ASIC5: variants seen among roughly 807,000 people sequenced by gnomAD.
ASIC5 encodes acid sensing ion channel subunit family member 5.
ASIC5 carries 52 observed loss-of-function variants against 51.2 expected under a neutral mutation model. That is an observed-to-expected ratio of 1.02 (90% CI 0.81 to 1.28). The LOEUF is 1.28. Ranked by LOEUF, ASIC5 falls within the 50% of genes most tolerant of loss-of-function variation. The pLI, the probability that ASIC5 is intolerant of heterozygous loss-of-function variation, is 0.00. For synonymous variants in ASIC5, 231 were observed against 200.7 expected (o/e 1.15, Z -1.28); for missense variants, 635 against 595.0 (o/e 1.07, Z -0.70).
chr4:155,853,959 C>A (rs1741454599), intron 3 of ASIC5, 118 bp downstream of exon 3: 2 of 758,394 alleles, frequency 2.6e-6, no homozygotes, highest in Admixed American at 2.4e-5. Context: ...GAAATAGAAT[C>A]TGTAAGCAAA....
chr4:155,863,936 TG>T (rs1741791442), intron 1 of ASIC5, among the ~76,000 whole-genome samples, 182 bp from the exon 2 acceptor site: 1 of 152,194 alleles, frequency 6.6e-6, no homozygotes, highest in African/African-American at 2.4e-5. Context: ...GTGTAAGTGT[TG>T]GCTACATGGG....
At chr4:155,857,088 C>A (rs1031112905) in intron 2 of ASIC5, among the ~76,000 whole-genome samples, 1 of 151,892 alleles carries the variant, frequency 6.6e-6, no homozygotes, top group African/African-American at 2.4e-5. Context: ...TATTGTTTTG[C>A]ATAAAACAAA....
chr4:155,856,526 G>C (rs1349021136), intron 2 of ASIC5, among the ~76,000 whole-genome samples: 2 of 152,066 alleles, frequency 1.3e-5, no homozygotes, highest in African/African-American at 2.4e-5. Flanking sequence ...CTAAAACTCT[G>C]TAAATATCCT....
chr4:155,862,381 T>C (rs1029373161), intron 2 of ASIC5, among the ~76,000 whole-genome samples: 9 of 152,118 alleles, frequency 5.9e-5, no homozygotes, highest in African/African-American at 2.2e-4. Context: ...TTATCTAATG[T>C]AACAACAAAT....
chr4:155,858,172 A>G (rs1317986284), intron 2 of ASIC5, among the ~76,000 whole-genome samples: 2 of 152,236 alleles, frequency 1.3e-5, no homozygotes, highest in East Asian at 3.9e-4. Flanking sequence ...AAGACATTTG[A>G]AAAGCACTAG....
chr4:155,838,827 A>T lies in ASIC5; in HGVS notation c.1052T>A (p.Val351Asp), dbSNP rs1250570463. 3 of 1,586,562 alleles carry T rather than the reference A, an allele frequency of 1.9e-6. No individual in the cohort carries two copies. Among genetic ancestry groups the T allele is most frequent in the Non-Finnish European group, 2.6e-6 (3 of 1,156,700 alleles). Residue 351 changes from valine to aspartate, a missense_variant, in exon 7 of 10, where the codon GTT becomes GAT. Physicochemically the swap from Val to Asp is radical, Grantham distance 152. Coordinates refer to ENST00000537611, the MANE Select transcript of ASIC5 (RefSeq NM_017419.3). ...ECDLQKYFSC[V>D]SPVLDHIEFK... ...TAAGCACTTACCAAGTACAGGAGAA[A>T]CACAGCTGAAGTACTTTTGTAGGTC...
chr4:155,829,912 A>G lies in ASIC5; in HGVS notation c.1462T>C (p.Trp488Arg). ...AGATGATTCTGAGGTGGAGGAGTCC[A>G]CTGGGTCATTTCAGATATCTTCAGC... is the stretch of plus-strand genomic sequence containing the variant. Reference protein sequence around the residue: ...FLLKISEMTQWTPPPQNHLGN... With the variant: ...FLLKISEMTQRTPPPQNHLGN... The change falls in exon 10 of 10, where the codon TGG becomes CGG. Residue 488 changes from tryptophan (W) to arginine (R), a missense_variant. By Grantham distance (101) the Trp-to-Arg change is moderately radical. Coordinates refer to ENST00000537611, the MANE Select transcript of ASIC5 (RefSeq NM_017419.3). 6.2e-7 allele frequency: 1 copy of G among 1,607,254 alleles called. No individual in the cohort carries two copies. Among genetic ancestry groups the G allele is most frequent in the Non-Finnish European group, 8.5e-7 (1 of 1,177,530 alleles).
intron 4 of ASIC5, among the ~76,000 whole-genome samples, chr4:155,851,790 T>C (rs1391775394): frequency 6.6e-6 from 1 of 152,152 alleles, no homozygotes; most frequent in East Asian, 1.9e-4. Flanking sequence ...ATGCATTCTA[T>C]AGTTTGTCAA....
At chr4:155,851,499 A>T (rs1216594199) in intron 4 of ASIC5, among the ~76,000 whole-genome samples, 1 of 152,018 alleles carries the variant, frequency 6.6e-6, no homozygotes, top group Non-Finnish European at 1.5e-5. Flanking sequence ...ATCCTCTTTT[A>T]TAAAACCATA....
chr4:155,834,262 T>G (rs1274944727), intron 8 of ASIC5, among the ~76,000 whole-genome samples: 5 of 152,142 alleles, frequency 3.3e-5, no homozygotes, highest in African/African-American at 1.2e-4. Context: ...GAAGTAGCAT[T>G]TATTTCTGTC....
intron 5 of ASIC5, 60 bp from the exon 6 acceptor site, chr4:155,842,414 C>T: frequency 7.0e-7 from 1 of 1,431,454 alleles, no homozygotes; most frequent in Non-Finnish European, 9.5e-7. Context: ...ACTTATTTTC[C>T]ATCAAGAAGC....
chr4:155,837,718 A>T (rs1456885013), intron 7 of ASIC5, among the ~76,000 whole-genome samples: 1 of 152,004 alleles, frequency 6.6e-6, no homozygotes, highest in Admixed American at 6.6e-5. Context: ...TTGCTGGCAA[A>T]GACCACCACT....
intron 8 of ASIC5, among the ~76,000 whole-genome samples, chr4:155,832,859 C>T (rs1285252199): frequency 6.6e-6 from 1 of 152,098 alleles, no homozygotes; most frequent in Non-Finnish European, 1.5e-5. Context: ...CAATAGCTTG[C>T]TAACTGGTCT....
chr4:155,837,872 T>C (rs570204488), intron 7 of ASIC5, among the ~76,000 whole-genome samples: 1 of 152,028 alleles, frequency 6.6e-6, no homozygotes, highest in East Asian at 1.9e-4. Context: ...TCTTCTGACC[T>C]CCTTATCCCA....
intron 4 of ASIC5, among the ~76,000 whole-genome samples, chr4:155,849,422 T>TA (rs893539865): frequency 5.9e-5 from 9 of 152,064 alleles, no homozygotes; most frequent in African/African-American, 2.2e-4. Context: ...AAAGCCTATG[T>TA]AAAAAATAAC....
At chr4:155,855,878 A>G (rs1386427706) in intron 2 of ASIC5, among the ~76,000 whole-genome samples, 1 of 152,020 alleles carries the variant, frequency 6.6e-6, no homozygotes, top group Non-Finnish European at 1.5e-5. Flanking sequence ...TTGCATCTGT[A>G]GAAAACGTCC....
intron 2 of ASIC5, chr4:155,855,375 G>A (rs1480016106): frequency 6.6e-6 from 1 of 152,018 alleles, no homozygotes; most frequent in Non-Finnish European, 1.5e-5. Context: ...CACCAAAGCA[G>A]AAGTAATCTA....
chr4:155,849,203 C>A (rs996547605), intron 4 of ASIC5, among the ~76,000 whole-genome samples: 2 of 151,832 alleles, frequency 1.3e-5, no homozygotes, highest in African/African-American at 4.8e-5. Context: ...GTACAGAGTC[C>A]CTGTACAGGG....
At chr4:155,860,279 A>C (rs1741667470) in intron 2 of ASIC5, among the ~76,000 whole-genome samples, 1 of 151,894 alleles carries the variant, frequency 6.6e-6, no homozygotes, top group South Asian at 2.1e-4. Flanking sequence ...TGATAATATA[A>C]TTTGATATAA....
Sources: gnomAD v4.1 joint callset for allele counts (sites outside exome capture counted in the v4.1 genomes callset) on GRCh38, gnomAD v4.1.1 for gene constraint, MANE v1.5 for transcripts, NCBI Gene and HGNC (gene_info 2026-07-23, HGNC 2026-07-21) for gene names.